VAV3: variants seen among roughly 807,000 people sequenced by gnomAD.
VAV3 encodes vav guanine nucleotide exchange factor 3, also known as guanine nucleotide exchange factor VAV3.
VAV3 carries 94 observed loss-of-function variants against 131.2 expected under a neutral mutation model. The ratio of observed to expected loss-of-function variants is 0.72; its 90% CI spans 0.61 to 0.85. The LOEUF is 0.85. Ranked by LOEUF, VAV3 falls within the 40% of genes least tolerant of loss-of-function variation. The probability of loss-of-function intolerance (pLI) is 0.00; values close to 1 mark genes in which losing one functional copy is unlikely to be tolerated. For synonymous variants in VAV3, 349 were observed against 342.0 expected (o/e 1.02, Z -0.22); for missense variants, 939 against 1,002.7 (o/e 0.94, Z 0.86).
intron 1 of VAV3, among the ~76,000 whole-genome samples, chr1:107,901,915 C>T (rs1207839606): frequency 1.3e-5 from 2 of 151,924 alleles, no homozygotes; most frequent in Admixed American, 6.6e-5. Flanking sequence ...TGGTGGCATG[C>T]ACCTGTAATC....
rs566368311 is a variant in VAV3 at position 107,611,649 on chromosome 1, G to A, written c.1981-1684C>T. Among the ~76,000 whole-genome samples the A allele has an allele frequency of 4.0e-5, 6 of 150,310 alleles. No homozygotes were observed. In the South Asian group the frequency reaches 1.0e-3, roughly 26 times the overall value. ...AAAAAAGGAGACAGGAAGGAGGAGA[G>A]TAAAGAATTTCAAAATATTCTGGCT... On this transcript the variant is annotated intron_variant, in intron 21 of 26. Transcript: ENST00000370056.
intron 19 of VAV3, among the ~76,000 whole-genome samples, chr1:107,647,998 G>T (rs901854071): frequency 6.6e-6 from 1 of 151,900 alleles, no homozygotes; most frequent in Non-Finnish European, 1.5e-5. Flanking sequence ...CTTCAGAGAG[G>T]AGTAAAAGGA....
chr1:107,887,206 G>C (rs550642525), intron 1 of VAV3, among the ~76,000 whole-genome samples: 5 of 152,296 alleles, frequency 3.3e-5, no homozygotes, highest in African/African-American at 1.2e-4. Flanking sequence ...GTAGCCATGA[G>C]GACTGCGCTC....
In VAV3 at chr1:107,868,718, C is replaced by T. The variant is rs150501376; in HGVS notation, c.321+6183G>A. ...TACGATAGGAGATGTAGAGGCTTAA[C>T]AAATGGTCTCCAAATTGCTTGGAAC... On this transcript the variant is annotated intron_variant, in intron 2 of 26. Transcript: ENST00000370056. Among the ~76,000 whole-genome samples the T allele has an allele frequency of 2.1e-3, 327 of 152,240 alleles. 5 individuals carry two copies. Among genetic ancestry groups the T allele is most frequent in the African/African-American group, 7.5e-3 (313 of 41,554 alleles).
At chr1:107,694,968 T>G (rs374849895) in intron 17 of VAV3, among the ~76,000 whole-genome samples, 6 of 152,084 alleles carry the variant, frequency 3.9e-5, no homozygotes, top group African/African-American at 1.2e-4. Flanking sequence ...GCATTAGGAG[T>G]GTCAGAAAAG....
intron 1 of VAV3, among the ~76,000 whole-genome samples, chr1:107,927,978 G>A (rs1181586681): frequency 6.6e-6 from 1 of 152,140 alleles, no homozygotes; most frequent in Non-Finnish European, 1.5e-5. Context: ...GAGACCCAGT[G>A]CTATACTGGC....
At chr1:107,787,904 A>G (rs1666104385) in intron 2 of VAV3, among the ~76,000 whole-genome samples, 1 of 151,946 alleles carries the variant, frequency 6.6e-6, no homozygotes, top group African/African-American at 2.4e-5. Context: ...CCCCAAACAG[A>G]GCATCTTTTC....
intron 1 of VAV3, among the ~76,000 whole-genome samples, chr1:107,936,782 T>C (rs556686542): frequency 6.6e-6 from 1 of 152,244 alleles, no homozygotes; most frequent in South Asian, 2.1e-4. Flanking sequence ...GAGAGTAGAA[T>C]TCCCTGCACT....
At chr1:107,941,034 G>A (rs1173555419) in intron 1 of VAV3, among the ~76,000 whole-genome samples, 1 of 151,816 alleles carries the variant, frequency 6.6e-6, no homozygotes, top group African/African-American at 2.4e-5. Flanking sequence ...TCTTCAAGCA[G>A]GAGGTTAATT....
At chr1:107,591,272 C>G (rs1180803621) in intron 25 of VAV3, among the ~76,000 whole-genome samples, 1 of 152,152 alleles carries the variant, frequency 6.6e-6, no homozygotes, top group Non-Finnish European at 1.5e-5. Flanking sequence ...TAAGGATTAT[C>G]AAAATTTGTG....
At chr1:107,697,238 T>C (rs758730237) in intron 17 of VAV3, among the ~76,000 whole-genome samples, 6 of 152,132 alleles carry the variant, frequency 3.9e-5, no homozygotes, top group Non-Finnish European at 8.8e-5. Flanking sequence ...TTATAAGGGC[T>C]ACCCAGCAAA....
intron 15 of VAV3, among the ~76,000 whole-genome samples, chr1:107,723,921 T>C (rs915786369): frequency 6.6e-6 from 1 of 152,208 alleles, no homozygotes; most frequent in Admixed American, 6.5e-5. Flanking sequence ...GAACACATCG[T>C]AAATGCTACA....
chr1:107,937,862 C>A (rs1673799109), intron 1 of VAV3, among the ~76,000 whole-genome samples: 1 of 152,142 alleles, frequency 6.6e-6, no homozygotes, highest in African/African-American at 2.4e-5. Flanking sequence ...GAATGTAGTA[C>A]ACTAACATGT....
rs72973668 is a variant in VAV3 at position 107,626,561 on chromosome 1, A to G, written c.1915-8929T>C. On this transcript the variant is annotated intron_variant, in intron 20 of 26. Transcript: ENST00000370056. ...CAGTTTCAATTCTGCCTTGGCTTCT[A>G]CTGATTTTACTCAAGGGATGGGGTT... is the stretch of plus-strand genomic sequence containing the variant. 4.6e-3 allele frequency among the ~76,000 whole-genome samples: 698 copies of G among 152,256 alleles called. 8 individuals are homozygous for G. Among genetic ancestry groups the G allele is most frequent in the African/African-American group, 0.016 (666 of 41,552 alleles).
intron 17 of VAV3, among the ~76,000 whole-genome samples, chr1:107,690,043 A>G (rs1264306712): frequency 6.6e-6 from 1 of 152,172 alleles, no homozygotes; most frequent in Non-Finnish European, 1.5e-5. Context: ...ATCCAAGGAG[A>G]TTGAGGAAAG....
chr1:107,904,499 C>T (rs1249761272), intron 1 of VAV3, among the ~76,000 whole-genome samples: 1 of 152,148 alleles, frequency 6.6e-6, no homozygotes, highest in Non-Finnish European at 1.5e-5. Context: ...TTTGACTGCT[C>T]CATGTTTCTG....
rs10604934 is a variant in VAV3 at position 107,612,182 on chromosome 1, C to CTATA, written c.1981-2221_1981-2218dup. Among the ~76,000 whole-genome samples the CTATA allele has an allele frequency of 7.7e-4, 114 of 148,644 alleles. 1 individual carries two copies. Among genetic ancestry groups the CTATA allele is most frequent in the South Asian group, 2.7e-3 (13 of 4,754 alleles). On this transcript the variant is annotated intron_variant, in intron 21 of 26. Transcript: ENST00000370056. Reference sequence around the variant, plus strand: ...TACATACAGAAATATTTATATTGGTCTATATATATATATATAAATAAATAT... The same window carrying CTATA: ...TACATACAGAAATATTTATATTGGTCTATATATATATATATATATAAATAAATAT...
chr1:107,904,875 G>C (rs1187875066), intron 1 of VAV3, among the ~76,000 whole-genome samples: 1 of 152,168 alleles, frequency 6.6e-6, no homozygotes, highest in Non-Finnish European at 1.5e-5. Context: ...CTATAGCATG[G>C]TTATATGCAG....
At chr1:107,600,832 C>T (rs373232715) in intron 24 of VAV3, among the ~76,000 whole-genome samples, 1 of 152,166 alleles carries the variant, frequency 6.6e-6, no homozygotes, top group Admixed American at 6.5e-5. Flanking sequence ...TTTTCAGTGA[C>T]GATTCCTTTC....
Sources: gnomAD v4.1 joint callset for allele counts (sites outside exome capture counted in the v4.1 genomes callset) on GRCh38, gnomAD v4.1.1 for gene constraint, MANE v1.5 for transcripts, NCBI Gene and HGNC (gene_info 2026-07-23, HGNC 2026-07-21) for gene names.